The following PRRC2C variants were observed in gnomAD, a reference collection of about 807,000 sequenced individuals.
PRRC2C encodes protein PRRC2C.
In PRRC2C, 72 loss-of-function variants were observed where a neutral mutation model predicts 317.2. The ratio of observed to expected loss-of-function variants is 0.23; its 90% CI spans 0.19 to 0.28. The LOEUF (loss-of-function observed/expected upper bound fraction) is 0.28. PRRC2C is among the 10% of genes least tolerant of loss of function. The pLI, the probability that PRRC2C is intolerant of heterozygous loss-of-function variation, is 1.00. For missense variants in PRRC2C, 3,074 were observed against 3,459.7 expected (o/e 0.89, Z 2.80); for synonymous variants, 1,296 against 1,205.9 (o/e 1.07, Z -1.55).
intron 2 of PRRC2C, chr1:171,512,453 G>T (rs2038042): frequency 2.7e-6 from 1 of 373,346 alleles, no homozygotes. Context: ...GTAGAACTGT[G>T]TGGCTCTAAA....
rs1442487863 is a variant in PRRC2C, at chr1:171,539,962, T to A, written c.2505-9T>A. On this transcript the variant is annotated splice_polypyrimidine_tract_variant and intron_variant, in intron 15 of 34. Coordinates refer to ENST00000647382, the MANE Select transcript of PRRC2C (RefSeq NM_001387844.1). ...TGTTGATTATACCTTTGAATTCTTA[T>A]CATCATAGGTCTGAAGCTGCGTTGG... is the stretch of plus-strand genomic sequence containing the variant. The A allele has an allele frequency of 2.5e-6, 4 of 1,581,818 alleles. No individual in the cohort carries two copies. Among genetic ancestry groups the A allele is most frequent in the Non-Finnish European group, 3.4e-6 (4 of 1,166,016 alleles).
At chr1:171,553,315 T>C (rs1680678563) in intron 18 of PRRC2C, among the ~76,000 whole-genome samples, 1 of 152,182 alleles carries the variant, frequency 6.6e-6, no homozygotes, top group South Asian at 2.1e-4. Context: ...ATATCCCCTT[T>C]ATCAATTTTT....
Position 171,485,590 on chromosome 1 carries a change from G to C in PRRC2C, c.-203G>C, listed in dbSNP as rs554720845. The C allele has an allele frequency of 6.6e-6, 1 of 152,658 alleles. No homozygotes were observed. Among genetic ancestry groups the C allele is most frequent in the Non-Finnish European group, 1.5e-5 (1 of 68,056 alleles). 9.5% of individuals were successfully genotyped at this position (152,658 alleles called of 1,614,324 possible). On this transcript the variant is annotated 5_prime_UTR_variant, in exon 1 of 35. Coordinates refer to ENST00000647382, the MANE Select transcript of PRRC2C (RefSeq NM_001387844.1). ...CCTCGGAAAGCTGCGAAAGTGCTTT[G>C]GCGGTTTGTCCATCCGCAGCTTCGG... is the stretch of plus-strand genomic sequence containing the variant.
At chr1:171,577,720 C>A in intron 26 of PRRC2C, 83 bp downstream of exon 26, 2 of 1,233,980 alleles carry the variant, frequency 1.6e-6, no homozygotes, top group Non-Finnish European at 1.2e-6. Context: ...CTTACCCTTT[C>A]AGCTAAGCAT....
At position 171,514,560 on chromosome 1, in the gene PRRC2C, G is replaced by T. The variant is rs1393039645; in HGVS notation, c.315G>T (p.Gln105His). 6.4e-7 allele frequency: 1 copy of T among 1,558,180 alleles called. No homozygotes were observed. Among genetic ancestry groups the T allele is most frequent in the East Asian group, 2.4e-5 (1 of 41,338 alleles). ...EEKTPEVPPAQPKPGVAAPPE... is the reference protein window; with the variant it reads ...EEKTPEVPPAHPKPGVAAPPE... ...GAACACCAGAAGTGCCACCAGCACAGCCAAAACCTGGGGTTGCAGCTCCCC... is the reference window on the plus strand; with the variant it reads ...GAACACCAGAAGTGCCACCAGCACATCCAAAACCTGGGGTTGCAGCTCCCC... Residue 105 changes from glutamine (Q) to histidine (H), a missense_variant, in exon 4 of 35, where the codon CAG (glutamine) becomes CAT (histidine). Coordinates refer to ENST00000647382, the MANE Select transcript of PRRC2C (RefSeq NM_001387844.1).
intron 3 of PRRC2C, among the ~76,000 whole-genome samples, chr1:171,514,262 ATGTG>A (rs10531775): frequency 0.016 from 2,335 of 148,456 alleles, 36 homozygotes; most frequent in African/African-American, 0.045. Context: ...GTGTGTGTGT[ATGTG>A]TGTGTGTGTG....
In PRRC2C at chr1:171,513,068, C is replaced by G. The variant is rs576045141; in HGVS notation, c.186C>G (p.Leu62=). The change falls in exon 3 of 35, where the codon CTC becomes CTG. Residue 62 remains leucine (L), a synonymous_variant. Transcript: ENST00000647382. ...ISRRMPPPAN[L]PSLKAENKGN... is the part of the protein sequence containing the mutation. Reference sequence around the variant, plus strand: ...GGCGTATGCCTCCACCTGCTAACCTCCCAAGTCTTAAAGCAGAAAACAAAG... The same window carrying G: ...GGCGTATGCCTCCACCTGCTAACCTGCCAAGTCTTAAAGCAGAAAACAAAG... The G allele has an allele frequency of 2.5e-6, 4 of 1,613,716 alleles. No homozygotes were observed. The highest frequency in any genetic ancestry group is 3.4e-6 in the Non-Finnish European group (4 of 1,179,812).
At chr1:171,529,976 C>T (rs1009498944) in intron 11 of PRRC2C, among the ~76,000 whole-genome samples, 1 of 152,248 alleles carries the variant, frequency 6.6e-6, no homozygotes, top group African/African-American at 2.4e-5. Flanking sequence ...TCCAGCAATC[C>T]CTCTCCTCAT....
At position 171,541,891 on chromosome 1, in the gene PRRC2C, G is replaced by T. The variant is rs1484353118; in HGVS notation, c.4425G>T (p.Gly1475=). The change falls in exon 16 of 35, where the codon GGG becomes GGT. Residue 1475 remains glycine (G), a synonymous_variant. Transcript: ENST00000647382. The surrounding 1 kb of genome is among the most constrained non-coding windows in gnomAD (Gnocchi z 4.1). ...NVAQEPVNTL[G]DISGNKTPDL... ...CTCAAGAACCAGTTAATACTCTTGG[G>T]GATATTTCCGGGAATAAGACACCAG... The T allele has an allele frequency of 6.2e-7, 1 of 1,613,730 alleles. No homozygotes were observed. Among genetic ancestry groups the T allele is most frequent in the Non-Finnish European group, 8.5e-7 (1 of 1,179,816 alleles).
intron 17 of PRRC2C, among the ~76,000 whole-genome samples, chr1:171,546,047 T>C (rs1334324985): frequency 6.6e-6 from 1 of 152,184 alleles, no homozygotes; most frequent in Non-Finnish European, 1.5e-5. Flanking sequence ...GATGTATTAT[T>C]AAAAACAAAA....
At chr1:171,528,021 G>C (rs943550155) in intron 11 of PRRC2C, among the ~76,000 whole-genome samples, 177 bp downstream of exon 11, 53 of 151,900 alleles carry the variant, frequency 3.5e-4, no homozygotes, top group Non-Finnish European at 1.0e-4. Context: ...TGATAAGCAT[G>C]CTTCAAGTTT....
At chr1:171,508,081 C>T (rs1246694286) in intron 1 of PRRC2C, among the ~76,000 whole-genome samples, 1 of 152,196 alleles carries the variant, frequency 6.6e-6, no homozygotes, top group Non-Finnish European at 1.5e-5. Context: ...AAGATCATGT[C>T]ATCTGCAAAC....
At chr1:171,496,040 C>A (rs966255560) in intron 1 of PRRC2C, among the ~76,000 whole-genome samples, 1 of 151,810 alleles carries the variant, frequency 6.6e-6, no homozygotes, top group Non-Finnish European at 1.5e-5. Flanking sequence ...CCTCATGGCC[C>A]GTACAACCTC....
intron 1 of PRRC2C, among the ~76,000 whole-genome samples, chr1:171,502,357 G>A (rs982459288): frequency 4.6e-5 from 7 of 152,148 alleles, no homozygotes; most frequent in African/African-American, 1.7e-4. Flanking sequence ...ATGGGGCCTT[G>A]ACATACAATT....
rs1489443403 is a variant in PRRC2C at position 171,542,142 on chromosome 1, A to G, written c.4676A>G (p.Asn1559Ser). 1 of 1,612,032 alleles carries G rather than the reference A, an allele frequency of 6.2e-7. No homozygotes were observed. Among genetic ancestry groups the G allele is most frequent in the African/African-American group, 1.3e-5 (1 of 75,028 alleles). The part of the protein sequence containing the change: ...RPVDRQNRRG[N>S]NGPPKSGRNF... ...GTAGATCGTCAGAATCGACGTGGCA[A>G]CAATGGTCCACCCAAATCAGGAAGG... Residue 1559 changes from asparagine to serine, a missense_variant, in exon 16 of 35, where the codon AAC becomes AGC. Transcript: ENST00000647382.
chr1:171,494,832 C>T (rs1014632118), intron 1 of PRRC2C, among the ~76,000 whole-genome samples: 3 of 152,030 alleles, frequency 2.0e-5, no homozygotes, highest in East Asian at 1.9e-4. Context: ...ATTGTATCCC[C>T]TAAAAGAAAA....
At chr1:171,587,795 C>A in intron 32 of PRRC2C, 44 bp downstream of exon 32, 1 of 1,407,124 alleles carries the variant, frequency 7.1e-7, no homozygotes, top group Non-Finnish European at 1.0e-6. Context: ...CCAATTTGGT[C>A]ACTATTTGTT....
chr1:171,570,042 T>C (rs1684477360), intron 23 of PRRC2C, among the ~76,000 whole-genome samples: 1 of 152,154 alleles, frequency 6.6e-6, no homozygotes, highest in South Asian at 2.1e-4. Flanking sequence ...ATAGTCTGCA[T>C]GCAGTTGTTA....
intron 15 of PRRC2C, among the ~76,000 whole-genome samples, chr1:171,538,663 TCTTAA>T (rs1677310220): frequency 6.6e-6 from 1 of 152,248 alleles, no homozygotes; most frequent in Non-Finnish European, 1.5e-5. Flanking sequence ...ATCAGCATGG[TCTTAA>T]CTTTGTTTTT....
Sources: gnomAD v4.1 joint callset for allele counts (sites outside exome capture counted in the v4.1 genomes callset) on GRCh38, gnomAD v4.1.1 for gene constraint, Gnocchi (gnomAD v3.1) non-coding constraint, MANE v1.5 for transcripts, NCBI Gene and HGNC (gene_info 2026-07-23, HGNC 2026-07-21) for gene names.